The following EPB41 variants were observed in gnomAD, a reference collection of about 807,000 sequenced individuals.
The protein encoded by EPB41 is protein 4.1.
A neutral mutation model predicts 108.0 loss-of-function variants in EPB41; 65 were observed. The ratio of observed to expected loss-of-function variants is 0.60; its 90% CI spans 0.49 to 0.74. The LOEUF is 0.74. EPB41 is among the 30% of genes least tolerant of loss of function. EPB41 has a pLI of 0.00. For missense variants in EPB41, 875 were observed against 1,037.0 expected (o/e 0.84, Z 2.15); for synonymous variants, 336 against 358.9 (o/e 0.94, Z 0.72).
chr1:28,953,142 A>G (rs935213522), intron 1 of EPB41, among the ~76,000 whole-genome samples: 4 of 151,752 alleles, frequency 2.6e-5, no homozygotes, highest in Non-Finnish European at 5.9e-5. Context: ...AGTGATTGAT[A>G]TGTCTCTTAA....
chr1:29,044,102 C>A (rs746404529), intron 11 of EPB41, among the ~76,000 whole-genome samples: 2 of 152,228 alleles, frequency 1.3e-5, no homozygotes, highest in Non-Finnish European at 2.9e-5. Context: ...ATTCAGATAA[C>A]AATATCAGGC....
intron 1 of EPB41, among the ~76,000 whole-genome samples, chr1:28,969,048 T>C (rs2095431504): frequency 6.6e-6 from 1 of 150,990 alleles, no homozygotes; most frequent in African/African-American, 2.4e-5. Context: ...AAGTTCTATA[T>C]TCTTATAGAA....
chr1:28,955,516 A>G (rs1473868503), intron 1 of EPB41, among the ~76,000 whole-genome samples: 2 of 151,776 alleles, frequency 1.3e-5, no homozygotes, highest in Non-Finnish European at 2.9e-5. Flanking sequence ...TAATTTTTGT[A>G]TATTTTTTAG....
intron 18 of EPB41, among the ~76,000 whole-genome samples, chr1:29,111,480 C>T (rs1020934918): frequency 1.3e-5 from 2 of 151,654 alleles, no homozygotes; most frequent in African/African-American, 2.4e-5. Context: ...CAAAAAACCC[C>T]GTCTCTACTA....
chr1:28,974,754 A>G (rs1203502157), intron 1 of EPB41, among the ~76,000 whole-genome samples: 1 of 151,964 alleles, frequency 6.6e-6, no homozygotes, highest in African/African-American at 2.4e-5. Context: ...GATACTTGCA[A>G]GATATTAATC....
At chr1:29,047,538 G>A (rs565379687) in intron 11 of EPB41, among the ~76,000 whole-genome samples, 5 of 151,610 alleles carry the variant, frequency 3.3e-5, no homozygotes, top group East Asian at 1.9e-4. Context: ...ATAGGTGTGA[G>A]TCATCGCACC....
Position 29,115,619 on chromosome 1 carries a change from A to G in EPB41, c.2497-80A>G, listed in dbSNP as rs1670675336. ...ACAGGAGTATTGGATCTGTCAGAAC[A>G]TCAGAGAAATGATGACCACTGCCTT... On this transcript the variant is annotated intron_variant, in intron 19 of 20. Transcript: ENST00000343067. This position sits in a 1 kb window ranked among gnomAD's most constrained non-coding sequence, Gnocchi z 4.4. 1 of 1,211,136 alleles carries G rather than the reference A, an allele frequency of 8.3e-7. No homozygotes were observed. Among genetic ancestry groups the G allele is most frequent in the Non-Finnish European group, 1.2e-6 (1 of 825,710 alleles). 75.0% of individuals were successfully genotyped at this position (1,211,136 alleles called of 1,614,324 possible).
intron 6 of EPB41, among the ~76,000 whole-genome samples, chr1:29,016,342 A>ATT (rs11362146): frequency 0.094 from 12,802 of 135,622 alleles, 750 homozygotes; most frequent in African/African-American, 0.18. Context: ...CGCCCTGCTA[A>ATT]TTTTTTTTTT....
intron 1 of EPB41, among the ~76,000 whole-genome samples, chr1:28,931,862 C>G (rs1210343065): frequency 6.6e-6 from 1 of 152,172 alleles, no homozygotes; most frequent in Non-Finnish European, 1.5e-5. Context: ...TCAATAGAGA[C>G]AGCACAAAGA....
At chr1:29,080,200 C>T (rs987743095) in intron 16 of EPB41, among the ~76,000 whole-genome samples, 1 of 151,294 alleles carries the variant, frequency 6.6e-6, no homozygotes, top group African/African-American at 2.4e-5. Context: ...CTCATTACAA[C>T]CTCTCCCTCC....
chr1:28,934,667 TGTGTGTGTGTG>T (rs1041025985), intron 1 of EPB41, among the ~76,000 whole-genome samples: 55 of 1,250 alleles, frequency 0.044, no homozygotes, highest in African/African-American at 0.075. Flanking sequence ...CTTTTGACAT[TGTGTGTGTGTG>T]TGTGTGTGTG....
At chr1:29,056,255 C>CAACAAAACAA (rs1184414197) in intron 12 of EPB41, among the ~76,000 whole-genome samples, 1 of 146,650 alleles carries the variant, frequency 6.8e-6, no homozygotes, top group Non-Finnish European at 1.5e-5. Context: ...AAACAAAAAA[C>CAACAAAACAA]AACAAAACAA....
At chr1:29,049,385 A>G (rs1644089342) in intron 11 of EPB41, among the ~76,000 whole-genome samples, 1 of 152,198 alleles carries the variant, frequency 6.6e-6, no homozygotes, top group Non-Finnish European at 1.5e-5. Flanking sequence ...TAGTTCATCC[A>G]TTCAGTGAGC....
At chr1:29,064,805 A>C (rs1345241246) in intron 15 of EPB41, among the ~76,000 whole-genome samples, 177 bp from the exon 16 acceptor site, 1 of 152,068 alleles carries the variant, frequency 6.6e-6, no homozygotes. Flanking sequence ...TTATTTAAAG[A>C]AAAAAAAGGC....
chr1:29,030,345 T>A, intron 7 of EPB41, 55 bp from the exon 8 acceptor site: 1 of 1,307,832 alleles, frequency 7.6e-7, no homozygotes, highest in Non-Finnish European at 1.1e-6. Flanking sequence ...TAAATGTTAC[T>A]GTAAATGATG....
intron 5 of EPB41, among the ~76,000 whole-genome samples, chr1:29,015,353 T>A (rs1029426770): frequency 4.6e-5 from 7 of 151,568 alleles, no homozygotes; most frequent in African/African-American, 1.7e-4. Context: ...AGGTTGGGAG[T>A]TTGAGACCAG....
intron 1 of EPB41, among the ~76,000 whole-genome samples, chr1:28,961,909 C>G (rs2095226003): frequency 6.6e-6 from 1 of 152,028 alleles, no homozygotes; most frequent in Non-Finnish European, 1.5e-5. Flanking sequence ...AGAAACCCAT[C>G]ATGGGTTTAT....
At chr1:29,013,775 C>T (rs1351146066) in intron 5 of EPB41, among the ~76,000 whole-genome samples, 1 of 150,802 alleles carries the variant, frequency 6.6e-6, no homozygotes, top group Non-Finnish European at 1.5e-5. Context: ...GTGATCCACC[C>T]TCCTTGGCCT....
rs373423387 is a variant in EPB41 at position 29,108,857 on chromosome 1, C to G, written c.2314-479C>G. 3.4e-5 allele frequency among the ~76,000 whole-genome samples: 5 copies of G among 146,250 alleles called. No homozygotes were observed. The East Asian group carries it at 1.0e-3, about 30-fold the overall frequency. ...CAGGCATGAGCCACCGAGCATGGCC[C>G]AATTTATTTTATTTGTTAAGAGGTT... On this transcript the variant is annotated intron_variant, in intron 17 of 20. Transcript: ENST00000343067.
Sources: gnomAD v4.1 joint callset for allele counts (sites outside exome capture counted in the v4.1 genomes callset) on GRCh38, gnomAD v4.1.1 for gene constraint, Gnocchi (gnomAD v3.1) non-coding constraint, MANE v1.5 for transcripts, NCBI Gene and HGNC (gene_info 2026-07-23, HGNC 2026-07-21) for gene names.